PRMT3: variants seen among roughly 807,000 people sequenced by gnomAD.
The protein encoded by PRMT3 is protein arginine methyltransferase 3.
PRMT3 carries 62 observed loss-of-function variants against 71.9 expected under a neutral mutation model. The observed-to-expected ratio is 0.86, with a 90% CI of 0.70 to 1.07. The LOEUF is 1.07. Among genes scored for constraint, PRMT3 ranks in the 50% least tolerant of loss-of-function variants. The pLI is 0.00. For missense variants in PRMT3, 663 were observed against 643.0 expected, an observed-to-expected ratio of 1.03 and a Z score of -0.34; for synonymous variants, 213 against 220.4, an observed-to-expected ratio of 0.97 and a Z score of 0.30.
chr11:20,468,408 G>C (rs1057196022), intron 13 of PRMT3, among the ~76,000 whole-genome samples: 2 of 151,948 alleles, frequency 1.3e-5, no homozygotes, highest in African/African-American at 4.8e-5. Flanking sequence ...ACTCTATATT[G>C]CCTAGGCTGG....
chr11:20,439,045 A>G (rs1849825478), intron 10 of PRMT3, among the ~76,000 whole-genome samples: 1 of 152,166 alleles, frequency 6.6e-6, no homozygotes, highest in Non-Finnish European at 1.5e-5. Context: ...CTTAGAGATG[A>G]AGGGGAGCCA....
chr11:20,503,407 T>C (rs577330010), intron 15 of PRMT3, among the ~76,000 whole-genome samples: 1 of 152,306 alleles, frequency 6.6e-6, no homozygotes, highest in South Asian at 2.1e-4. Context: ...ACATTTTGAT[T>C]GTACAGCTCA....
At chr11:20,480,108 T>C (rs1312500842) in intron 13 of PRMT3, among the ~76,000 whole-genome samples, 1 of 152,134 alleles carries the variant, frequency 6.6e-6, no homozygotes, top group Non-Finnish European at 1.5e-5. Flanking sequence ...AGCCAGAAGT[T>C]CGAGATCCAT....
intron 6 of PRMT3, 45 bp from the exon 7 acceptor site, chr11:20,397,532 G>A: frequency 1.3e-6 from 2 of 1,598,060 alleles, no homozygotes; most frequent in Non-Finnish European, 1.7e-6. Flanking sequence ...CTTTATTCAT[G>A]GTCCAATAAA....
At chr11:20,440,599 G>T (rs1308430150) in intron 10 of PRMT3, among the ~76,000 whole-genome samples, 1 of 151,510 alleles carries the variant, frequency 6.6e-6, no homozygotes, top group Non-Finnish European at 1.5e-5. Flanking sequence ...AAAAACAGTT[G>T]TTCTGGATGT....
At chr11:20,445,867 C>T (rs1181864503) in intron 10 of PRMT3, among the ~76,000 whole-genome samples, 2 of 152,158 alleles carry the variant, frequency 1.3e-5, no homozygotes, top group African/African-American at 4.8e-5. Context: ...TTTCTTCACT[C>T]AGTCATGTTC....
At chr11:20,465,773 G>A (rs528851948) in intron 13 of PRMT3, among the ~76,000 whole-genome samples, 44 of 152,004 alleles carry the variant, frequency 2.9e-4, no homozygotes, top group African/African-American at 1.0e-3. Flanking sequence ...TTAACAAAAA[G>A]CAAAATTTGA....
Position 20,467,308 on chromosome 11 carries a change from C to G in PRMT3, c.1347+2762C>G, listed in dbSNP as rs182146571. On this transcript the variant is annotated intron_variant, in intron 13 of 15. Transcript: ENST00000331079. ...GACAATGTGCTAATCACTTTAAAAG[C>G]ATTATTTAGTTCTCATAATAACCAT... Among the ~76,000 whole-genome samples the G allele has an allele frequency of 3.9e-5, 6 of 152,278 alleles. No homozygotes were observed. In the East Asian group the frequency reaches 1.2e-3, roughly 29 times the overall value.
Position 20,479,694 on chromosome 11 carries a change from C to A in PRMT3, c.1348-14225C>A, listed in dbSNP as rs1850884281. Among the ~76,000 whole-genome samples, 14 of 152,194 alleles carry A rather than the reference C, an allele frequency of 9.2e-5. No individual in the cohort carries two copies. In the South Asian group the frequency reaches 2.9e-3, roughly 32 times the overall value. On this transcript the variant is annotated intron_variant, in intron 13 of 15. Coordinates refer to ENST00000331079, the MANE Select transcript of PRMT3 (RefSeq NM_005788.4). ...AGTATTTTTTTAAAGAATCTCACAACAATAAGAAACGCCTAAGAGTGACGA... is the reference window on the plus strand; with the variant it reads ...AGTATTTTTTTAAAGAATCTCACAAAAATAAGAAACGCCTAAGAGTGACGA...
intron 11 of PRMT3, among the ~76,000 whole-genome samples, chr11:20,460,613 A>C (rs1469975566): frequency 1.3e-5 from 2 of 152,106 alleles, no homozygotes; most frequent in Admixed American, 1.3e-4. Flanking sequence ...TTATGTCTTC[A>C]ACTTAGATAT....
intron 5 of PRMT3, among the ~76,000 whole-genome samples, chr11:20,394,425 C>T (rs924379905): frequency 1.3e-5 from 2 of 151,888 alleles, no homozygotes; most frequent in Non-Finnish European, 2.9e-5. Context: ...ATTCTTTACA[C>T]GCTGTCCTTA....
At chr11:20,451,933 G>GATAA (rs1850158338) in intron 10 of PRMT3, among the ~76,000 whole-genome samples, 197 bp from the exon 11 acceptor site, 1 of 152,032 alleles carries the variant, frequency 6.6e-6, no homozygotes, top group Non-Finnish European at 1.5e-5. Flanking sequence ...TAAACTTTCT[G>GATAA]GGTTCACTTT....
intron 6 of PRMT3, among the ~76,000 whole-genome samples, chr11:20,397,321 T>C (rs548056161): frequency 6.6e-6 from 1 of 152,336 alleles, no homozygotes; most frequent in Non-Finnish European, 1.5e-5. Flanking sequence ...ATTTGTTCAG[T>C]TGAAAGACAT....
At chr11:20,452,686 A>G (rs1850176921) in intron 11 of PRMT3, among the ~76,000 whole-genome samples, 2 of 152,218 alleles carry the variant, frequency 1.3e-5, no homozygotes, top group African/African-American at 4.8e-5. Flanking sequence ...AAAGTGCCAC[A>G]TAACCAATCC....
chr11:20,390,675 A>G (rs777062155), intron 3 of PRMT3, among the ~76,000 whole-genome samples: 10 of 152,252 alleles, frequency 6.6e-5, no homozygotes, highest in Non-Finnish European at 1.3e-4. Context: ...GAAGAGCTAT[A>G]CTACAATAAA....
chr11:20,440,085 A>T (rs936332303), intron 10 of PRMT3, among the ~76,000 whole-genome samples: 3 of 152,248 alleles, frequency 2.0e-5, no homozygotes, highest in Non-Finnish European at 4.4e-5. Context: ...AAAATGAAGA[A>T]ATCAGTTCCA....
intron 9 of PRMT3, among the ~76,000 whole-genome samples, chr11:20,425,025 G>A (rs1849514479): frequency 6.6e-6 from 1 of 151,716 alleles, no homozygotes; most frequent in Non-Finnish European, 1.5e-5. Context: ...GATCACTTGA[G>A]CTTGAGAGAG....
At chr11:20,507,995 A>T (rs1483716646) in intron 15 of PRMT3, among the ~76,000 whole-genome samples, 1 of 151,974 alleles carries the variant, frequency 6.6e-6, no homozygotes, top group Non-Finnish European at 1.5e-5. Flanking sequence ...AGTCCCAGCT[A>T]TTCGGGAAGC....
At chr11:20,492,163 A>G (rs1851223600) in intron 13 of PRMT3, among the ~76,000 whole-genome samples, 1 of 152,224 alleles carries the variant, frequency 6.6e-6, no homozygotes, top group African/African-American at 2.4e-5. Context: ...CAGAATGTAT[A>G]ATAAACACAT....
Sources: allele counts gnomAD v4.1 joint callset (sites outside exome capture counted in the v4.1 genomes callset), GRCh38; gene constraint gnomAD v4.1.1; transcripts MANE v1.5; gene names NCBI Gene and HGNC (gene_info 2026-07-23, HGNC 2026-07-21).